BCAS1: variants seen among roughly 807,000 people sequenced by gnomAD.
BCAS1 encodes brain enriched myelin associated protein 1.
Under a neutral mutation model 65.4 loss-of-function variants are expected in BCAS1, and 46 were observed. That is an observed-to-expected ratio of 0.70 (90% CI 0.55 to 0.90). The LOEUF is 0.90. Ranked by LOEUF, BCAS1 falls within the 40% of genes least tolerant of loss-of-function variation. BCAS1 has a pLI of 0.00. For missense variants in BCAS1, 793 were observed against 771.2 expected (o/e 1.03, Z -0.33); for synonymous variants, 298 against 293.5 (o/e 1.02, Z -0.16).
chr20:54,053,186 A>T (rs930853851), intron 3 of BCAS1, among the ~76,000 whole-genome samples: 6 of 152,212 alleles, frequency 3.9e-5, no homozygotes, highest in African/African-American at 1.2e-4. Flanking sequence ...TTAAGCTAGA[A>T]ATATAACATA....
chr20:53,991,055 G>A (rs903251979), intron 7 of BCAS1, among the ~76,000 whole-genome samples: 4 of 152,164 alleles, frequency 2.6e-5, no homozygotes, highest in Non-Finnish European at 1.5e-5. Flanking sequence ...TACTGCAGAC[G>A]TAAAATTTTG....
Position 54,029,630 on chromosome 20 carries a change from T to C in BCAS1, c.143-658A>G, listed in dbSNP as rs574121938. ...CAACTTTCTGGTAAAAGGAGACAGATAATAAATCTCGTAATTTTGTTAGGA... is the reference window on the plus strand; with the variant it reads ...CAACTTTCTGGTAAAAGGAGACAGACAATAAATCTCGTAATTTTGTTAGGA... On this transcript the variant is annotated intron_variant, in intron 3 of 12. Coordinates refer to ENST00000688948, the MANE Select transcript of BCAS1 (RefSeq NM_001366298.2). Among the ~76,000 whole-genome samples the C allele has an allele frequency of 6.6e-5, 10 of 152,358 alleles. No homozygotes were observed. In the South Asian group the frequency reaches 2.1e-3, roughly 32 times the overall value.
intron 4 of BCAS1, among the ~76,000 whole-genome samples, chr20:54,018,698 A>G (rs2091494313): frequency 6.6e-6 from 1 of 152,236 alleles, no homozygotes; most frequent in South Asian, 2.1e-4. Context: ...CTGGAATGAC[A>G]GATGGTCATC....
intron 4 of BCAS1, among the ~76,000 whole-genome samples, chr20:54,018,177 G>C (rs2091479422): frequency 1.3e-5 from 2 of 152,184 alleles, no homozygotes; most frequent in South Asian, 4.1e-4. Context: ...TCACTCTCCT[G>C]TCTACTTTCT....
chr20:54,030,180 C>T (rs185839026), intron 3 of BCAS1, among the ~76,000 whole-genome samples: 2 of 152,172 alleles, frequency 1.3e-5, no homozygotes, highest in East Asian at 3.9e-4. Context: ...TACTATAAAT[C>T]AGTGAAATAT....
At chr20:54,065,288 G>C (rs1407981699) in intron 1 of BCAS1, among the ~76,000 whole-genome samples, 2 of 151,964 alleles carry the variant, frequency 1.3e-5, no homozygotes, top group Admixed American at 6.5e-5. Context: ...TGGATATCTT[G>C]TCCTATTCCT....
At chr20:54,060,010 G>A (rs1260040109) in intron 1 of BCAS1, among the ~76,000 whole-genome samples, 1 of 152,210 alleles carries the variant, frequency 6.6e-6, no homozygotes, top group South Asian at 2.1e-4. Flanking sequence ...ATGGTGCACA[G>A]GGAGAGAGTT....
At chr20:53,972,585 T>C (rs1327586651) in intron 9 of BCAS1, among the ~76,000 whole-genome samples, 3 of 152,282 alleles carry the variant, frequency 2.0e-5, no homozygotes, top group East Asian at 3.8e-4. Flanking sequence ...ACTTTATTTC[T>C]GGACACTGAA....
At chr20:53,948,160 C>A (rs1010784824) in intron 12 of BCAS1, among the ~76,000 whole-genome samples, 1 of 152,134 alleles carries the variant, frequency 6.6e-6, no homozygotes, top group African/African-American at 2.4e-5. Flanking sequence ...TGCCGTGGAT[C>A]CTGGTTCACC....
At chr20:53,967,297 C>T (rs2090060325) in intron 9 of BCAS1, among the ~76,000 whole-genome samples, 1 of 152,142 alleles carries the variant, frequency 6.6e-6, no homozygotes. Flanking sequence ...GGCAAAATCC[C>T]TTCCCCAAGG....
chr20:53,968,988 G>C (rs1411976051), intron 9 of BCAS1, among the ~76,000 whole-genome samples: 2 of 152,206 alleles, frequency 1.3e-5, no homozygotes, highest in Non-Finnish European at 2.9e-5. Flanking sequence ...ATTTTGAACT[G>C]ATTTAATTCA....
At chr20:53,997,373 AC>A (rs1231923737) in intron 4 of BCAS1, among the ~76,000 whole-genome samples, 5 of 152,238 alleles carry the variant, frequency 3.3e-5, no homozygotes, top group Non-Finnish European at 5.9e-5. Context: ...ACAAAGTAGT[AC>A]AGAAACTTCC....
intron 4 of BCAS1, among the ~76,000 whole-genome samples, chr20:53,996,810 A>G (rs1395033331): frequency 6.6e-6 from 1 of 152,162 alleles, no homozygotes; most frequent in Non-Finnish European, 1.5e-5. Context: ...CAGCTCTTGG[A>G]GTCAAGCCCA....
intron 4 of BCAS1, among the ~76,000 whole-genome samples, chr20:54,027,582 C>G (rs2091700468): frequency 6.6e-6 from 1 of 152,148 alleles, no homozygotes; most frequent in Non-Finnish European, 1.5e-5. Context: ...GTCTGTTAAC[C>G]AAGGAAATGC....
chr20:53,996,052 TA>T lies in BCAS1; in HGVS notation c.724-3del. 1 of 1,590,122 alleles carries T rather than the reference TA, an allele frequency of 6.3e-7. No homozygotes were observed. The highest frequency in any genetic ancestry group is 8.6e-7 in the Non-Finnish European group (1 of 1,167,998). ...TTTTTCCTTGCCGTCAACTATGTCCTAGGGGCAAAACAGTTGTCACAGTTGC... is the reference window on the plus strand; with the variant it reads ...TTTTTCCTTGCCGTCAACTATGTCCTGGGGCAAAACAGTTGTCACAGTTGC... On this transcript the variant is annotated splice_polypyrimidine_tract_variant and splice_region_variant and intron_variant, in intron 4 of 12. Transcript: ENST00000688948.
In BCAS1 at chr20:53,944,264, C is replaced by T. The variant is rs868426053; in HGVS notation, c.*658G>A. ...GAGGATAAGCACGCATTTACTACAA[C>T]GCTTAATTCCTTCTAGCAGCATTTC... On this transcript the variant is annotated 3_prime_UTR_variant, in exon 13 of 13. Transcript: ENST00000688948. 5.3e-5 allele frequency: 8 copies of T among 152,108 alleles called. No homozygotes were observed. The highest frequency in any genetic ancestry group is 1.2e-4 in the Non-Finnish European group (8 of 68,046). 9.4% of individuals were successfully genotyped at this position (152,108 alleles called of 1,614,324 possible).
chr20:53,953,607 TCCTTCGAGGAGCCCTCTTTAC>T lies in BCAS1; in HGVS notation c.1619_1639del (p.Gly540_Lys546del). ...GTTCATCTCGGCTGCTGACTTCTTG[TCCTTCGAGGAGCCCTCTTTAC>T]CCTTCTGTGGTGCTCCTGTTGGTTC... On this transcript the variant is annotated inframe_deletion, in exon 12 of 13. Transcript: ENST00000688948. 6.2e-7 allele frequency: 1 copy of T among 1,613,942 alleles called. No individual in the cohort carries two copies. The highest frequency in any genetic ancestry group is 2.2e-5 in the East Asian group (1 of 44,844).
At chr20:53,992,241 C>T (rs1907221061) in intron 7 of BCAS1, among the ~76,000 whole-genome samples, 1 of 152,112 alleles carries the variant, frequency 6.6e-6, no homozygotes, top group Admixed American at 6.6e-5. Context: ...GAAGGTGGTA[C>T]ACAAGTTATT....
At chr20:54,065,102 TATCTATCTATC>T (rs1347820650) in intron 1 of BCAS1, among the ~76,000 whole-genome samples, 1 of 146,198 alleles carries the variant, frequency 6.8e-6, no homozygotes, top group Non-Finnish European at 1.5e-5. Context: ...TTATGATGAG[TATCTATCTATC>T]ATCTATCTAT....
Sources: allele counts gnomAD v4.1 joint callset (sites outside exome capture counted in the v4.1 genomes callset), GRCh38; gene constraint gnomAD v4.1.1; transcripts MANE v1.5; gene names NCBI Gene and HGNC (gene_info 2026-07-23, HGNC 2026-07-21).